Variants in TBC1D32 observed in about 807,000 individuals in gnomAD.
TBC1D32 encodes protein broad-minded.
Under a neutral mutation model 170.3 loss-of-function variants are expected in TBC1D32, and 151 were observed. The observed-to-expected ratio is 0.89, with a 90% confidence interval of 0.78 to 1.01. The LOEUF is 1.01. TBC1D32 is among the 50% of genes least tolerant of loss of function. The pLI is 0.00. For missense variants in TBC1D32, 1,464 were observed against 1,457.1 expected, an observed-to-expected ratio of 1.00 and a Z score of -0.08; for synonymous variants, 498 against 488.0, an observed-to-expected ratio of 1.02 and a Z score of -0.27.
chr6:121,198,246 T>TTA lies in TBC1D32; in HGVS notation c.2570+6827_2570+6828dup, dbSNP rs1189266336. On this transcript the variant is annotated intron_variant, in intron 22 of 31. Coordinates refer to ENST00000398212, the MANE Select transcript of TBC1D32 (RefSeq NM_152730.6). Reference sequence around the variant, plus strand: ...TGTATAATATATATAAATATATATATTATATATATATATAATATATATATA... The same window carrying TTA: ...TGTATAATATATATAAATATATATATTATATATATATATATAATATATATATA... Among the ~76,000 whole-genome samples, 62 of 118,946 alleles carry TTA rather than the reference T, an allele frequency of 5.2e-4. No homozygotes were observed. The Middle Eastern group carries it at 0.012, about 24-fold the overall frequency. 78.0% of individuals were successfully genotyped at this position (118,946 alleles called of 152,430 possible). A position where few individuals can be genotyped will look rare whatever the true frequency, so the allele number is the denominator to read the frequency against.
intron 24 of TBC1D32, among the ~76,000 whole-genome samples, chr6:121,150,346 G>A (rs1474531003): frequency 1.3e-5 from 2 of 152,112 alleles, no homozygotes; most frequent in African/African-American, 4.8e-5. Flanking sequence ...TGCATCCCAG[G>A]GATGAAGCCG....
chr6:121,178,723 C>A (rs1678647933), intron 22 of TBC1D32, among the ~76,000 whole-genome samples: 1 of 152,142 alleles, frequency 6.6e-6, no homozygotes, highest in South Asian at 2.1e-4. Context: ...AGATTACATT[C>A]CATAAGACTG....
At chr6:121,286,574 C>A (rs895881623) in intron 12 of TBC1D32, among the ~76,000 whole-genome samples, 17 of 152,160 alleles carry the variant, frequency 1.1e-4, no homozygotes, top group African/African-American at 4.1e-4. Flanking sequence ...TTGGAAAACA[C>A]TCTACAGGAT....
At chr6:121,121,556 T>G (rs147112291) in intron 26 of TBC1D32, among the ~76,000 whole-genome samples, 2 of 152,158 alleles carry the variant, frequency 1.3e-5, no homozygotes, top group African/African-American at 4.8e-5. Context: ...ATTTCTGTAC[T>G]CCATTTTTTT....
chr6:121,112,652 C>A lies in TBC1D32; in HGVS notation c.3177G>T (p.Leu1059=), dbSNP rs775173488. The change falls in exon 29 of 32, where the codon CTG becomes CTT. Residue 1059 remains leucine, a synonymous_variant. Coordinates refer to ENST00000398212, the MANE Select transcript of TBC1D32 (RefSeq NM_152730.6). ...AGTCATGGCCAGCATAATTCCCTTG[C>A]AGGCAGACTGAAAAACACAGTTAAG... ...QTSIKSSLLC[L]QGNYAGHDWF... is the part of the protein sequence containing the mutation. The A allele has an allele frequency of 5.1e-6, 8 of 1,565,210 alleles. No individual in the cohort carries two copies. The African/African-American group carries it at 9.6e-5, about 19-fold the overall frequency.
At chr6:121,278,297 A>G (rs569238297) in intron 15 of TBC1D32, among the ~76,000 whole-genome samples, 3 of 152,262 alleles carry the variant, frequency 2.0e-5, no homozygotes. Flanking sequence ...AAGATTACAT[A>G]TTCTACAGAC....
intron 30 of TBC1D32, among the ~76,000 whole-genome samples, chr6:121,093,595 T>G (rs1203395793): frequency 6.6e-6 from 1 of 152,106 alleles, no homozygotes; most frequent in East Asian, 1.9e-4. Context: ...TTGATAAAGG[T>G]GTGGGGTCTC....
At chr6:121,281,762 C>A in intron 13 of TBC1D32, 76 bp from the exon 14 acceptor site, 1 of 1,194,014 alleles carries the variant, frequency 8.4e-7, no homozygotes, top group South Asian at 1.9e-5. Flanking sequence ...GTTGTTGTTC[C>A]AAAAAGTTCA....
Position 121,323,321 on chromosome 6 carries a change from A to G in TBC1D32, c.156-1527T>C, listed in dbSNP as rs1475874722. 2.0e-5 allele frequency among the ~76,000 whole-genome samples: 3 copies of G among 147,688 alleles called. No homozygotes were observed. In the East Asian group the frequency reaches 6.0e-4, roughly 30 times the overall value. On this transcript the variant is annotated intron_variant, in intron 1 of 31. Coordinates refer to ENST00000398212, the MANE Select transcript of TBC1D32 (RefSeq NM_152730.6). ...TTCTCACTTCCCTCTCTCCTCTCAT[A>G]TTTTCTTCCCTCTCATATTCATCCC...
At chr6:121,218,732 A>G (rs769275242) in intron 21 of TBC1D32, among the ~76,000 whole-genome samples, 27 of 152,186 alleles carry the variant, frequency 1.8e-4, no homozygotes, top group Non-Finnish European at 3.8e-4. Flanking sequence ...GCTGACTAAT[A>G]CACCATATGT....
intron 1 of TBC1D32, among the ~76,000 whole-genome samples, chr6:121,331,187 C>A (rs999898971): frequency 4.7e-5 from 7 of 150,242 alleles, no homozygotes. Context: ...CCCTATAAGT[C>A]TTTTTGGTTT....
At chr6:121,200,001 G>T (rs955640343) in intron 22 of TBC1D32, among the ~76,000 whole-genome samples, 1 of 151,214 alleles carries the variant, frequency 6.6e-6, no homozygotes, top group Non-Finnish European at 1.5e-5. Context: ...CCTGTTCATT[G>T]TACTATATAT....
chr6:121,123,927 T>C (rs1381664329), intron 26 of TBC1D32, among the ~76,000 whole-genome samples: 1 of 151,918 alleles, frequency 6.6e-6, no homozygotes, highest in Non-Finnish European at 1.5e-5. Flanking sequence ...GTTATTATGA[T>C]GTTATTTTAA....
chr6:121,270,319 A>T (rs2128423228), intron 15 of TBC1D32, among the ~76,000 whole-genome samples: 1 of 152,284 alleles, frequency 6.6e-6, no homozygotes, highest in African/African-American at 2.4e-5. Flanking sequence ...AAATCAATGA[A>T]TCCAGGAGCT....
chr6:121,250,159 C>A (rs962879145), intron 17 of TBC1D32, among the ~76,000 whole-genome samples: 1 of 151,870 alleles, frequency 6.6e-6, no homozygotes, highest in Non-Finnish European at 1.5e-5. Context: ...ACCAGAGATA[C>A]AAAGAGAAGC....
chr6:121,313,106 GTGTGTGTGTGT>G (rs1808450561), intron 3 of TBC1D32, among the ~76,000 whole-genome samples: 1 of 596 alleles, frequency 1.7e-3, no homozygotes, highest in African/African-American at 2.8e-3. Context: ...AGCTAAGGTG[GTGTGTGTGTGT>G]GTGTGTGTGT....
chr6:121,220,225 G>C (rs1339876522), intron 21 of TBC1D32, among the ~76,000 whole-genome samples: 1 of 152,162 alleles, frequency 6.6e-6, no homozygotes, highest in South Asian at 2.1e-4. Flanking sequence ...TGGGCCTCTT[G>C]TGCCAATTAG....
intron 30 of TBC1D32, among the ~76,000 whole-genome samples, chr6:121,095,516 T>C (rs555620312): frequency 1.3e-5 from 2 of 152,302 alleles, no homozygotes; most frequent in Admixed American, 1.3e-4. Context: ...GTGTTGGTAT[T>C]CAAAGGGAAT....
chr6:121,092,830 G>T (rs1485801905), intron 30 of TBC1D32, among the ~76,000 whole-genome samples: 1 of 152,108 alleles, frequency 6.6e-6, no homozygotes, highest in Non-Finnish European at 1.5e-5. Context: ...TTCAAATATA[G>T]TCACATTCTG....
Sources: gnomAD v4.1 joint callset for allele counts (sites outside exome capture counted in the v4.1 genomes callset) on GRCh38, gnomAD v4.1.1 for gene constraint, MANE v1.5 for transcripts, NCBI Gene and HGNC (gene_info 2026-07-23, HGNC 2026-07-21) for gene names.